The following ZFHX3 variants were observed in gnomAD, a reference collection of about 807,000 sequenced individuals.
The protein encoded by ZFHX3 is zinc finger homeobox protein 3.
In ZFHX3, 42 loss-of-function variants were observed where a neutral mutation model predicts 279.1. That is an observed-to-expected ratio of 0.15 (90% confidence interval 0.12 to 0.19). The LOEUF is 0.19. Ranked by LOEUF, ZFHX3 falls within the 10% of genes least tolerant of loss-of-function variation. The pLI, the probability that ZFHX3 is intolerant of heterozygous loss-of-function variation, is 1.00. For synonymous variants in ZFHX3, 2,293 were observed against 1,957.8 expected, an observed-to-expected ratio of 1.17 and a Z score of -4.52; for missense variants, 4,981 against 4,754.0, an observed-to-expected ratio of 1.05 and a Z score of -1.40.
chr16:73,559,834 T>C (rs151241248), intron 2 of ZFHX3, among the ~76,000 whole-genome samples: 2,964 of 152,302 alleles, frequency 0.019, 43 homozygotes, highest in Admixed American at 0.036. Context: ...CATCTGGACC[T>C]GATTAATTAA....
At chr16:72,971,534 C>T (rs535682411) in intron 1 of ZFHX3, among the ~76,000 whole-genome samples, 11 of 152,118 alleles carry the variant, frequency 7.2e-5, no homozygotes, top group Non-Finnish European at 1.5e-4. Flanking sequence ...CCTCCCTTAC[C>T]ACTCTAAAAC....
chr16:73,378,183 C>G (rs2016758162), intron 3 of ZFHX3, among the ~76,000 whole-genome samples: 1 of 151,896 alleles, frequency 6.6e-6, no homozygotes, highest in South Asian at 2.1e-4. Context: ...CCTGAAAGGC[C>G]TGCTACTCCC....
At chr16:73,394,550 G>T (rs1290134366) in intron 3 of ZFHX3, among the ~76,000 whole-genome samples, 1 of 152,062 alleles carries the variant, frequency 6.6e-6, no homozygotes, top group Non-Finnish European at 1.5e-5. Flanking sequence ...GCCTGCCTCG[G>T]CCTCCCAAAG....
At chr16:73,437,653 A>G (rs1277236870) in intron 3 of ZFHX3, among the ~76,000 whole-genome samples, 1 of 152,148 alleles carries the variant, frequency 6.6e-6, no homozygotes, top group Admixed American at 6.5e-5. Flanking sequence ...TTCATTCCAA[A>G]TAGTCAAAAT....
At chr16:73,244,696 C>T (rs1355654461) in intron 5 of ZFHX3, among the ~76,000 whole-genome samples, 2 of 152,190 alleles carry the variant, frequency 1.3e-5, no homozygotes, top group Non-Finnish European at 2.9e-5. Context: ...CCAACTATGG[C>T]AGCAGGGAGA....
intron 1 of ZFHX3, among the ~76,000 whole-genome samples, chr16:73,055,228 T>A (rs1046313639): frequency 4.6e-5 from 7 of 152,112 alleles, no homozygotes; most frequent in African/African-American, 1.7e-4. Context: ...AGACCCAACC[T>A]TATTTGCCTG....
chr16:73,413,940 C>G (rs746897621), intron 3 of ZFHX3, among the ~76,000 whole-genome samples: 1 of 152,180 alleles, frequency 6.6e-6, no homozygotes, highest in Non-Finnish European at 1.5e-5. Context: ...AACAAAGATT[C>G]AATATTCAAA....
chr16:72,940,259 T>G (rs1383427608), intron 3 of ZFHX3, among the ~76,000 whole-genome samples: 1 of 152,088 alleles, frequency 6.6e-6, no homozygotes, highest in Admixed American at 6.6e-5. Context: ...CTGTACAAAA[T>G]CCTACTTCAA....
At chr16:73,800,278 C>T (rs768438981) in intron 1 of ZFHX3, among the ~76,000 whole-genome samples, 42 of 151,698 alleles carry the variant, frequency 2.8e-4, no homozygotes, top group Admixed American at 1.4e-3. Flanking sequence ...AGCACAGTGA[C>T]GCAATTTCAG....
rs139530177 is a variant in ZFHX3 at position 72,797,935 on chromosome 16, C to A, written c.4747G>T (p.Gly1583Cys). 6.1e-5 allele frequency: 98 copies of A among 1,614,136 alleles called. No homozygotes were observed. In the African/African-American group the frequency reaches 9.9e-4, roughly 16 times the overall value. ...LKRALQESAT[G>C]QPEPTSSPDN... Reference sequence around the variant, plus strand: ...GGGCTGCTGGTGGGTTCTGGCTGACCGGTTGCTGATTCTTGAAGGGCTCTC... The same window carrying A: ...GGGCTGCTGGTGGGTTCTGGCTGACAGGTTGCTGATTCTTGAAGGGCTCTC... Residue 1583 changes from glycine (G) to cysteine (C), a missense_variant, in exon 9 of 10, where the codon GGT (glycine) becomes TGT (cysteine). By Grantham distance (159) the Gly-to-Cys change is radical. Around this residue, in one of 7 missense-constraint regions of ZFHX3, gnomAD observed 1,751 missense variants for 1,770.0 expected, o/e 0.99. Coordinates refer to ENST00000268489, the MANE Select transcript of ZFHX3 (RefSeq NM_006885.4).
intron 1 of ZFHX3, chr16:73,815,880 A>G (rs910486942): frequency 2.0e-5 from 3 of 152,134 alleles, no homozygotes; most frequent in Non-Finnish European, 4.4e-5. Context: ...TCTCCAGTGA[A>G]ACCAACTTCA....
intron 2 of ZFHX3, among the ~76,000 whole-genome samples, chr16:73,578,771 TAGAC>T (rs1355471268): frequency 6.6e-6 from 1 of 152,182 alleles, no homozygotes; most frequent in Non-Finnish European, 1.5e-5. Context: ...GTAGTGAAAA[TAGAC>T]AGCAACATCT....
At position 72,797,873 on chromosome 16, in the gene ZFHX3, C is replaced by T; in HGVS notation, c.4809G>A (p.Val1603=). The T allele has an allele frequency of 6.2e-7, 1 of 1,614,096 alleles. No homozygotes were observed. Among genetic ancestry groups the T allele is most frequent in the Non-Finnish European group, 8.5e-7 (1 of 1,180,024 alleles). The change falls in exon 9 of 10, where the codon GTG becomes GTA. Residue 1603 remains valine (V), a synonymous_variant. Transcript: ENST00000268489. ...NKPFKCNTCN[V]AYSQSSTLEI... ...CCAGAGTGGAACTCTGGCTGTAGGC[C>T]ACATTACAAGTGTTACACTTAAAAG...
chr16:73,229,581 A>G (rs1287411780), intron 5 of ZFHX3, among the ~76,000 whole-genome samples: 1 of 152,184 alleles, frequency 6.6e-6, no homozygotes, highest in Non-Finnish European at 1.5e-5. Flanking sequence ...TCAGTGGTAG[A>G]TAGACAGAAT....
At chr16:73,020,474 C>A (rs1198100484) in intron 1 of ZFHX3, among the ~76,000 whole-genome samples, 1 of 152,228 alleles carries the variant, frequency 6.6e-6, no homozygotes, top group Non-Finnish European at 1.5e-5. Flanking sequence ...CCAAGAATGG[C>A]CTCACCATAT....
chr16:73,546,261 A>T (rs566248798), intron 2 of ZFHX3, among the ~76,000 whole-genome samples: 1 of 152,190 alleles, frequency 6.6e-6, no homozygotes, highest in Non-Finnish European at 1.5e-5. Context: ...ACAGAACCCA[A>T]ATCATTTTTC....
chr16:73,857,497 A>G (rs911055740), intron 1 of ZFHX3, among the ~76,000 whole-genome samples: 1 of 152,010 alleles, frequency 6.6e-6, no homozygotes, highest in African/African-American at 2.4e-5. Context: ...TTGTTCTTAG[A>G]CCTCCTTATT....
chr16:73,869,112 A>G (rs1338608114), intron 1 of ZFHX3, among the ~76,000 whole-genome samples: 1 of 152,196 alleles, frequency 6.6e-6, no homozygotes, highest in African/African-American at 2.4e-5. Context: ...GTAGCTAGTC[A>G]TGTTCACAAC....
At chr16:72,812,952 A>G (rs1407897170) in intron 5 of ZFHX3, among the ~76,000 whole-genome samples, 1 of 152,194 alleles carries the variant, frequency 6.6e-6, no homozygotes, top group Admixed American at 6.5e-5. Flanking sequence ...CTCAGGGTTT[A>G]TAGTTAGGAA....
Sources: gnomAD v4.1 joint callset for allele counts (sites outside exome capture counted in the v4.1 genomes callset) on GRCh38, gnomAD v4.1.1 for gene constraint, gnomAD v4.1.1 regional missense constraint, MANE v1.5 for transcripts, NCBI Gene and HGNC (gene_info 2026-07-23, HGNC 2026-07-21) for gene names.